Variants in BRINP1 observed in about 807,000 individuals in gnomAD.
BRINP1 encodes BMP/retinoic acid-inducible neural-specific protein 1.
BRINP1 carries 17 observed loss-of-function variants against 72.9 expected under a neutral mutation model. The ratio of observed to expected loss-of-function variants is 0.23; its 90% CI spans 0.16 to 0.35. The LOEUF (loss-of-function observed/expected upper bound fraction) is 0.35, where lower values mean the gene tolerates loss of function less well. Ranked by LOEUF, BRINP1 falls within the 10% of genes least tolerant of loss-of-function variation. The probability of loss-of-function intolerance (pLI) is 1.00; values close to 1 mark genes in which losing one functional copy is unlikely to be tolerated. For synonymous variants in BRINP1, 418 were observed against 378.5 expected (o/e 1.10, Z -1.21); for missense variants, 850 against 1,001.6 (o/e 0.85, Z 2.04).
At chr9:119,208,153 G>C (rs907037108) in intron 7 of BRINP1, among the ~76,000 whole-genome samples, 13 of 152,128 alleles carry the variant, frequency 8.5e-5, no homozygotes, top group Admixed American at 2.6e-4. Flanking sequence ...GCTGGAACTA[G>C]GGGAGGCAAG....
chr9:119,251,673 T>TAG (rs1830389842), intron 2 of BRINP1, among the ~76,000 whole-genome samples: 1 of 14,396 alleles, frequency 6.9e-5, no homozygotes, highest in Non-Finnish European at 3.0e-4. Context: ...CAGAAAACAT[T>TAG]GAGAAGGGCA....
intron 7 of BRINP1, among the ~76,000 whole-genome samples, chr9:119,178,101 A>C (rs1405237119): frequency 6.6e-6 from 1 of 152,194 alleles, no homozygotes; most frequent in Non-Finnish European, 1.5e-5. Flanking sequence ...GAGACCCTGG[A>C]CAGGGAGGAT....
intron 7 of BRINP1, among the ~76,000 whole-genome samples, chr9:119,196,925 A>C (rs1436819155): frequency 6.6e-6 from 1 of 152,250 alleles, no homozygotes; most frequent in Non-Finnish European, 1.5e-5. Flanking sequence ...CACTGCAAGT[A>C]CAAAGCATAA....
chr9:119,350,647 C>A (rs147274772), intron 1 of BRINP1, among the ~76,000 whole-genome samples: 1 of 151,902 alleles, frequency 6.6e-6, no homozygotes, highest in Non-Finnish European at 1.5e-5. Context: ...CACACTCGCA[C>A]GTCCATGAAC....
At chr9:119,206,871 C>G (rs541408541) in intron 7 of BRINP1, among the ~76,000 whole-genome samples, 7 of 152,234 alleles carry the variant, frequency 4.6e-5, no homozygotes, top group African/African-American at 1.7e-4. Flanking sequence ...CTGTTGTGCT[C>G]GACAAGAAAG....
At chr9:119,325,939 G>A (rs907692898) in intron 1 of BRINP1, among the ~76,000 whole-genome samples, 3 of 152,120 alleles carry the variant, frequency 2.0e-5, no homozygotes, top group African/African-American at 7.2e-5. Context: ...TGTTTAGACT[G>A]TTCCCTCTCC....
intron 2 of BRINP1, among the ~76,000 whole-genome samples, chr9:119,269,138 A>C (rs760881841): frequency 6.6e-6 from 1 of 152,190 alleles, no homozygotes; most frequent in East Asian, 1.9e-4. Context: ...AGAGGTGCTC[A>C]TAAGTGGTGA....
Position 119,199,794 on chromosome 9 carries a change from GTTC to G in BRINP1, c.1145+8922_1145+8924del, listed in dbSNP as rs1472116688. Among the ~76,000 whole-genome samples, 8 of 100,290 alleles carry G rather than the reference GTTC, an allele frequency of 8.0e-5. No individual in the cohort carries two copies. The East Asian group carries it at 2.0e-3, about 25-fold the overall frequency. The allele number at this position is 100,290 out of a possible 152,430, so 65.8% of individuals were successfully genotyped here. A position where few individuals can be genotyped will look rare whatever the true frequency, so the allele number is the denominator to read the frequency against. ...GAATTGAATAGTGTCTGTTTTTCTT[GTTC>G]TTCTTTTTTTTTTTTTCTTCAGTAG... On this transcript the variant is annotated intron_variant, in intron 7 of 7. Coordinates refer to ENST00000265922, the MANE Select transcript of BRINP1 (RefSeq NM_014618.3).
chr9:119,263,798 C>T (rs893609503), intron 2 of BRINP1, among the ~76,000 whole-genome samples: 9 of 151,748 alleles, frequency 5.9e-5, no homozygotes, highest in Non-Finnish European at 8.8e-5. Context: ...TTAGTAGAGA[C>T]GGGGTTTCAC....
intron 3 of BRINP1, among the ~76,000 whole-genome samples, chr9:119,246,405 T>C (rs2118916551): frequency 6.6e-6 from 1 of 152,342 alleles, no homozygotes; most frequent in East Asian, 1.9e-4. Flanking sequence ...CCTCCCAGGC[T>C]ACATCTTTTT....
chr9:119,247,329 T>TTGGGTTGGTGGGGAAG (rs1487681184), intron 3 of BRINP1, among the ~76,000 whole-genome samples: 1 of 151,340 alleles, frequency 6.6e-6, no homozygotes, highest in African/African-American at 2.4e-5. Context: ...GGAGCGGGTA[T>TTGGGTTGGTGGGGAAG]TGGGTTGGTG....
chr9:119,222,831 C>T (rs935858600), intron 5 of BRINP1, among the ~76,000 whole-genome samples: 1 of 151,278 alleles, frequency 6.6e-6, no homozygotes, highest in African/African-American at 2.4e-5. Flanking sequence ...AGCCAGCATA[C>T]TTTTTTTTTC....
chr9:119,342,354 A>G (rs569629066), intron 1 of BRINP1, among the ~76,000 whole-genome samples: 38 of 152,320 alleles, frequency 2.5e-4, no homozygotes, highest in Non-Finnish European at 2.5e-4. Flanking sequence ...GAAACTGTTA[A>G]AGTGGTGCCT....
At chr9:119,222,122 A>C (rs1015642945) in intron 5 of BRINP1, among the ~76,000 whole-genome samples, 4 of 152,152 alleles carry the variant, frequency 2.6e-5, no homozygotes, top group African/African-American at 9.7e-5. Context: ...ATATGAGCTC[A>C]TCAATCTCTC....
At chr9:119,212,524 A>G (rs1829939654) in intron 6 of BRINP1, among the ~76,000 whole-genome samples, 1 of 152,320 alleles carries the variant, frequency 6.6e-6, no homozygotes, top group South Asian at 2.1e-4. Flanking sequence ...CAATCCTGCC[A>G]TTTACTAACT....
chr9:119,186,928 C>A (rs922969012), intron 7 of BRINP1, among the ~76,000 whole-genome samples: 1 of 151,978 alleles, frequency 6.6e-6, no homozygotes, highest in Non-Finnish European at 1.5e-5. Context: ...TCCTGATGCC[C>A]GAGTTGTCTT....
chr9:119,287,618 C>T (rs1830775952), intron 2 of BRINP1, among the ~76,000 whole-genome samples: 2 of 152,162 alleles, frequency 1.3e-5, no homozygotes, highest in African/African-American at 4.8e-5. Flanking sequence ...CAAAGGCTTT[C>T]AGGTTCATGG....
chr9:119,344,092 G>C (rs1831429363), intron 1 of BRINP1, among the ~76,000 whole-genome samples: 1 of 152,128 alleles, frequency 6.6e-6, no homozygotes. Flanking sequence ...GGGAGTCAGA[G>C]GAGCTCAGTC....
intron 1 of BRINP1, among the ~76,000 whole-genome samples, chr9:119,358,290 A>G (rs1831590883): frequency 6.6e-6 from 1 of 152,114 alleles, no homozygotes; most frequent in African/African-American, 2.4e-5. Flanking sequence ...TGTCTTATAC[A>G]TTAGAAAACC....
Sources: gnomAD v4.1 joint callset for allele counts (sites outside exome capture counted in the v4.1 genomes callset) on GRCh38, gnomAD v4.1.1 for gene constraint, MANE v1.5 for transcripts, NCBI Gene and HGNC (gene_info 2026-07-23, HGNC 2026-07-21) for gene names.